RFX7: variants seen among roughly 807,000 people sequenced by gnomAD.
RFX7 encodes the protein regulatory factor X7.
RFX7 carries 26 observed loss-of-function variants against 111.8 expected under a neutral mutation model. The observed-to-expected ratio is 0.23, with a 90% CI of 0.17 to 0.32. The LOEUF (loss-of-function observed/expected upper bound fraction) is 0.32, where lower values mean the gene tolerates loss of function less well. Ranked by LOEUF, RFX7 falls within the 10% of genes least tolerant of loss-of-function variation. The pLI is 1.00. For missense variants in RFX7, 1,573 were observed against 1,772.9 expected (o/e 0.89, Z 2.02); for synonymous variants, 624 against 624.4 (o/e 1.00, Z 0.01).
chr15:56,123,306 T>C (rs2042101281), intron 5 of RFX7, among the ~76,000 whole-genome samples: 1 of 152,094 alleles, frequency 6.6e-6, no homozygotes. Context: ...ACTGGGTCCT[T>C]CCCATCAACG....
rs537773048 is a variant in RFX7 at position 56,122,504 on chromosome 15, T to C, written c.402-18834A>G. ...CCTGAAACAAGCATAGCACTGGGTATTGCCCAAGGCTCACTGTTACCACGA... is the reference window on the plus strand; with the variant it reads ...CCTGAAACAAGCATAGCACTGGGTACTGCCCAAGGCTCACTGTTACCACGA... On this transcript the variant is annotated intron_variant, in intron 5 of 9. Transcript: ENST00000559447. Among the ~76,000 whole-genome samples, 7 of 152,164 alleles carry C rather than the reference T, an allele frequency of 4.6e-5. No individual in the cohort carries two copies. In the South Asian group the frequency reaches 8.3e-4, roughly 18 times the overall value.
intron 2 of RFX7, among the ~76,000 whole-genome samples, chr15:56,199,694 A>C (rs1378047026): frequency 6.6e-6 from 1 of 152,174 alleles, no homozygotes; most frequent in Non-Finnish European, 1.5e-5. Context: ...CAGGAACCAA[A>C]AACATGGTCT....
At chr15:56,124,218 T>TGGG (rs1420092320) in intron 5 of RFX7, among the ~76,000 whole-genome samples, 1 of 152,036 alleles carries the variant, frequency 6.6e-6, no homozygotes, top group Non-Finnish European at 1.5e-5. Flanking sequence ...GTCAGGAGAT[T>TGGG]GAGACCATCC....
intron 5 of RFX7, among the ~76,000 whole-genome samples, chr15:56,117,138 T>G (rs891639413): frequency 2.6e-5 from 4 of 152,198 alleles, no homozygotes; most frequent in Admixed American, 6.5e-5. Context: ...AGCTGTAAAC[T>G]TATAATCTGT....
At chr15:56,141,161 T>C (rs1331284247) in intron 5 of RFX7, among the ~76,000 whole-genome samples, 1 of 151,898 alleles carries the variant, frequency 6.6e-6, no homozygotes, top group Non-Finnish European at 1.5e-5. Flanking sequence ...GTTTGGGCAA[T>C]GGTAAAACTC....
Position 56,098,392 on chromosome 15 carries a change from A to C in RFX7, c.812-16T>G. The C allele has an allele frequency of 1.3e-6, 2 of 1,564,116 alleles. No homozygotes were observed. The highest frequency in any genetic ancestry group is 1.7e-6 in the Non-Finnish European group (2 of 1,154,822). ...CCTTTCATTCCTGAAAATAAACAGA[A>C]AGGAAAGCTGCAATAAATACTCTCC... is the stretch of plus-strand genomic sequence containing the variant. On this transcript the variant is annotated splice_polypyrimidine_tract_variant and intron_variant, in intron 8 of 9. Coordinates refer to ENST00000559447, the MANE Select transcript of RFX7 (RefSeq NM_022841.7).
chr15:56,211,195 C>T (rs1192222633), intron 2 of RFX7, among the ~76,000 whole-genome samples: 1 of 152,020 alleles, frequency 6.6e-6, no homozygotes, highest in Admixed American at 6.6e-5. Context: ...TTCTACCAAA[C>T]ATTTAAAAAA....
At chr15:56,169,700 C>CTTTTTTTTTTTTTTTTTTT (rs35597885) in intron 3 of RFX7, among the ~76,000 whole-genome samples, 1 of 96,868 alleles carries the variant, frequency 1.0e-5, no homozygotes. Flanking sequence ...CTAGTCAGTT[C>CTTTTTTTTTTTTTTTTTTT]TTTTTTTTTT....
intron 2 of RFX7, among the ~76,000 whole-genome samples, chr15:56,189,465 A>AG (rs2043078481): frequency 6.6e-6 from 1 of 152,134 alleles, no homozygotes; most frequent in South Asian, 2.1e-4. Context: ...TAAAAAAAAA[A>AG]CAACTACATA....
chr15:56,199,804 A>G (rs1048959879), intron 2 of RFX7, among the ~76,000 whole-genome samples: 15 of 152,192 alleles, frequency 9.9e-5, no homozygotes, highest in African/African-American at 3.6e-4. Context: ...TTTTAAAATA[A>G]AGATTCAACA....
chr15:56,121,308 C>G (rs1255565782), intron 5 of RFX7, among the ~76,000 whole-genome samples: 1 of 152,192 alleles, frequency 6.6e-6, no homozygotes, highest in African/African-American at 2.4e-5. Context: ...TGTCATGTCA[C>G]TCTCTCCTGG....
At chr15:56,238,497 C>T (rs2043649217) in intron 2 of RFX7, among the ~76,000 whole-genome samples, 1 of 152,082 alleles carries the variant, frequency 6.6e-6, no homozygotes, top group Admixed American at 6.5e-5. Context: ...AGCATTTTTT[C>T]CAGGGTCTAA....
At chr15:56,147,325 G>C (rs1439953264) in intron 3 of RFX7, among the ~76,000 whole-genome samples, 2 of 152,116 alleles carry the variant, frequency 1.3e-5, no homozygotes, top group African/African-American at 4.8e-5. Flanking sequence ...CGTGCTAAGT[G>C]AAAGAAGCCA....
At chr15:56,185,065 C>T (rs1212228692) in intron 2 of RFX7, among the ~76,000 whole-genome samples, 2 of 152,086 alleles carry the variant, frequency 1.3e-5, no homozygotes, top group East Asian at 1.9e-4. Context: ...ACATTTTCCT[C>T]TTAGTTCTTT....
At chr15:56,162,729 G>A (rs528231301) in intron 3 of RFX7, among the ~76,000 whole-genome samples, 1 of 151,940 alleles carries the variant, frequency 6.6e-6, no homozygotes, top group Non-Finnish European at 1.5e-5. Flanking sequence ...AAAGGAAAGA[G>A]TAAAAGGTTC....
chr15:56,230,073 TA>T (rs150479611), intron 2 of RFX7, among the ~76,000 whole-genome samples: 1 of 150,986 alleles, frequency 6.6e-6, no homozygotes. Flanking sequence ...TCTTGTCTCC[TA>T]AAAAAAAATA....
At chr15:56,146,394 A>C (rs1444892047) in intron 3 of RFX7, among the ~76,000 whole-genome samples, 2 of 152,156 alleles carry the variant, frequency 1.3e-5, no homozygotes, top group South Asian at 4.1e-4. Flanking sequence ...ACTACTGTCA[A>C]ATATTATTAA....
intron 2 of RFX7, among the ~76,000 whole-genome samples, chr15:56,182,212 C>T (rs1174825955): frequency 6.6e-6 from 1 of 152,042 alleles, no homozygotes; most frequent in Non-Finnish European, 1.5e-5. Context: ...AACCATCTCC[C>T]CCACCCCTCC....
chr15:56,218,144 CTTTTTTTTTTTTTT>C (rs869249448), intron 2 of RFX7, among the ~76,000 whole-genome samples: 2 of 57,968 alleles, frequency 3.5e-5, no homozygotes, highest in Middle Eastern at 0.019. Flanking sequence ...AAATGATTTT[CTTTTTTTTTTTTTT>C]TTTTTTTTTT....
Sources: allele counts gnomAD v4.1 joint callset (sites outside exome capture counted in the v4.1 genomes callset), GRCh38; gene constraint gnomAD v4.1.1; transcripts MANE v1.5; gene names NCBI Gene and HGNC (gene_info 2026-07-23, HGNC 2026-07-21).